The following ZHX2 variants were observed in gnomAD, a reference collection of about 807,000 sequenced individuals.
ZHX2 encodes zinc fingers and homeoboxes protein 2.
A neutral mutation model predicts 21.9 loss-of-function variants in ZHX2; 6 were observed. The ratio of observed to expected loss-of-function variants is 0.27; its 90% CI spans 0.15 to 0.54. The LOEUF (loss-of-function observed/expected upper bound fraction) is 0.54, where lower values mean the gene tolerates loss of function less well. Among genes scored for constraint, ZHX2 ranks in the 20% least tolerant of loss-of-function variants. The pLI is 0.95. For synonymous variants in ZHX2, 434 were observed against 437.1 expected (o/e 0.99, Z 0.09); for missense variants, 908 against 1,090.7 (o/e 0.83, Z 2.36).
chr8:122,787,348 C>T (rs969782456), intron 1 of ZHX2, among the ~76,000 whole-genome samples: 3 of 152,172 alleles, frequency 2.0e-5, no homozygotes, highest in African/African-American at 7.2e-5. Flanking sequence ...AATCTTGTTA[C>T]ACATTGTTTC....
intron 1 of ZHX2, among the ~76,000 whole-genome samples, chr8:122,834,382 G>C (rs1210251111): frequency 1.3e-5 from 2 of 152,208 alleles, no homozygotes; most frequent in East Asian, 1.9e-4. Context: ...CTCCGCAGAG[G>C]GGGCACGGCC....
chr8:122,858,480 T>C lies in ZHX2; in HGVS notation c.-282-4997T>C, dbSNP rs758425489. On this transcript the variant is annotated intron_variant, in intron 1 of 3. Transcript: ENST00000314393. The stretch of plus-strand genomic sequence containing the variant: ...CGGGGACTCATGGGGAAAATGCCAC[T>C]GGCTTATTTTTCCTTATTGTGATTT... Among the ~76,000 whole-genome samples, 77 of 152,176 alleles carry C rather than the reference T, an allele frequency of 5.1e-4. 1 individual carries two copies. The highest frequency in any genetic ancestry group is 1.0e-3 in the Non-Finnish European group (69 of 68,008).
At chr8:122,806,155 G>C (rs1232649753) in intron 1 of ZHX2, among the ~76,000 whole-genome samples, 2 of 152,192 alleles carry the variant, frequency 1.3e-5, no homozygotes, top group Non-Finnish European at 2.9e-5. Context: ...AAGGATGAAT[G>C]AGTCACTTTC....
intron 2 of ZHX2, among the ~76,000 whole-genome samples, chr8:122,880,959 ACAGGAGAAAAGAAACCCAC>A (rs1819701167): frequency 6.6e-6 from 1 of 152,152 alleles, no homozygotes; most frequent in African/African-American, 2.4e-5. Context: ...CCAAGAAACC[ACAGGAGAAAAGAAACCCAC>A]CCAGGGTTTC....
intron 2 of ZHX2, among the ~76,000 whole-genome samples, chr8:122,883,125 C>T (rs1819756037): frequency 6.6e-6 from 1 of 152,208 alleles, no homozygotes; most frequent in African/African-American, 2.4e-5. Flanking sequence ...CCCTTCCTCC[C>T]CACCCTCGTT....
At chr8:122,967,756 G>C (rs1319914289) in intron 3 of ZHX2, among the ~76,000 whole-genome samples, 1 of 152,242 alleles carries the variant, frequency 6.6e-6, no homozygotes, top group African/African-American at 2.4e-5. Context: ...TGCTGTAATG[G>C]CTTGAGTTGG....
intron 1 of ZHX2, among the ~76,000 whole-genome samples, chr8:122,803,585 G>A (rs13267521): frequency 0.046 from 7,018 of 152,338 alleles, 210 homozygotes; most frequent in South Asian, 0.076. Context: ...TGTGACAACC[G>A]AAACTGTCTC....
intron 1 of ZHX2, among the ~76,000 whole-genome samples, chr8:122,836,245 A>T (rs1818492791): frequency 6.6e-6 from 1 of 152,176 alleles, no homozygotes; most frequent in East Asian, 1.9e-4. Context: ...GACCAGAGAA[A>T]TCAAGAGAGG....
chr8:122,932,574 G>A (rs929587672), intron 2 of ZHX2, among the ~76,000 whole-genome samples: 1 of 152,186 alleles, frequency 6.6e-6, no homozygotes, highest in East Asian at 1.9e-4. Flanking sequence ...AGGTTGCAGT[G>A]AGCTGAGATC....
Position 122,952,986 on chromosome 8 carries a change from T to C in ZHX2, c.1476T>C (p.Tyr492=). 2 of 1,613,948 alleles carry C rather than the reference T, an allele frequency of 1.2e-6. No individual in the cohort carries two copies. The highest frequency in any genetic ancestry group is 2.2e-5 in the South Asian group (2 of 91,068). ...EIKKWFSDHR[Y]RCQRGIVHIT... Reference sequence around the variant, plus strand: ...AGAAGTGGTTCAGTGACCACCGATATCGGTGTCAAAGGGGCATCGTCCACA... The same window carrying C: ...AGAAGTGGTTCAGTGACCACCGATACCGGTGTCAAAGGGGCATCGTCCACA... Residue 492 remains tyrosine, a synonymous_variant, in exon 3 of 4, where the codon TAT becomes TAC. Coordinates refer to ENST00000314393, the MANE Select transcript of ZHX2 (RefSeq NM_014943.5). This position sits in a 1 kb window ranked among gnomAD's most constrained non-coding sequence, Gnocchi z 6.9.
intron 2 of ZHX2, among the ~76,000 whole-genome samples, chr8:122,931,810 T>C (rs985555193): frequency 6.6e-6 from 1 of 152,164 alleles, no homozygotes; most frequent in Non-Finnish European, 1.5e-5. Context: ...AATATCTTTC[T>C]GGAGCATTAA....
At chr8:122,858,672 A>C (rs1819093336) in intron 1 of ZHX2, among the ~76,000 whole-genome samples, 1 of 118,990 alleles carries the variant, frequency 8.4e-6, no homozygotes, top group African/African-American at 3.3e-5. Context: ...ACAGAATCTC[A>C]CTCTGTTGGC....
At chr8:122,970,723 G>A (rs1813699128) in intron 3 of ZHX2, among the ~76,000 whole-genome samples, 1 of 152,228 alleles carries the variant, frequency 6.6e-6, no homozygotes, top group Non-Finnish European at 1.5e-5. Flanking sequence ...CCCAAAGGTG[G>A]TGGAAGTCCC....
intron 1 of ZHX2, among the ~76,000 whole-genome samples, chr8:122,806,761 C>T (rs1817833224): frequency 6.6e-6 from 1 of 152,236 alleles, no homozygotes; most frequent in Admixed American, 6.5e-5. Flanking sequence ...ACATGGCTGA[C>T]ATTTACCTTG....
chr8:122,795,947 G>A (rs2130552949), intron 1 of ZHX2, among the ~76,000 whole-genome samples: 1 of 152,278 alleles, frequency 6.6e-6, no homozygotes, highest in South Asian at 2.1e-4. Context: ...GGAGGAGGCA[G>A]ATCACCTGAG....
chr8:122,940,410 C>T (rs1333331241), intron 2 of ZHX2, among the ~76,000 whole-genome samples: 1 of 152,216 alleles, frequency 6.6e-6, no homozygotes, highest in African/African-American at 2.4e-5. Context: ...CAGTGGCTTC[C>T]TCTGCCCCTG....
At chr8:122,903,171 C>T (rs535951402) in intron 2 of ZHX2, among the ~76,000 whole-genome samples, 1 of 152,212 alleles carries the variant, frequency 6.6e-6, no homozygotes, top group South Asian at 2.1e-4. Context: ...CAAATTCTGC[C>T]TACTCTCCTG....
intron 2 of ZHX2, among the ~76,000 whole-genome samples, chr8:122,917,670 T>C (rs1019663449): frequency 6.6e-6 from 1 of 152,216 alleles, no homozygotes. Context: ...TAACATGGTC[T>C]TCTTAAGTCA....
chr8:122,920,457 C>T (rs1820711644), intron 2 of ZHX2, among the ~76,000 whole-genome samples: 1 of 152,064 alleles, frequency 6.6e-6, no homozygotes, highest in South Asian at 2.1e-4. Flanking sequence ...TTGACACACC[C>T]ATGCTGTTGA....
Sources: allele counts gnomAD v4.1 joint callset (sites outside exome capture counted in the v4.1 genomes callset), GRCh38; gene constraint gnomAD v4.1.1; non-coding constraint Gnocchi (gnomAD v3.1); transcripts MANE v1.5; gene names NCBI Gene and HGNC (gene_info 2026-07-23, HGNC 2026-07-21).